MYO1B: variants seen among roughly 807,000 people sequenced by gnomAD.
MYO1B encodes unconventional myosin-Ib.
A neutral mutation model predicts 159.7 loss-of-function variants in MYO1B; 72 were observed. That is an observed-to-expected ratio of 0.45 (90% confidence interval 0.37 to 0.55). The LOEUF (loss-of-function observed/expected upper bound fraction) is 0.55, where lower values mean the gene tolerates loss of function less well. MYO1B is among the 20% of genes least tolerant of loss of function. The probability of loss-of-function intolerance (pLI) is 0.00; values close to 1 mark genes in which losing one functional copy is unlikely to be tolerated. For synonymous variants in MYO1B, 468 were observed against 473.8 expected, an observed-to-expected ratio of 0.99 and a Z score of 0.16; for missense variants, 1,062 against 1,364.8, an observed-to-expected ratio of 0.78 and a Z score of 3.50.
chr2:191,330,164 G>C (rs754952067), intron 4 of MYO1B, 135 bp downstream of exon 4: 9 of 636,674 alleles, frequency 1.4e-5, no homozygotes, highest in Non-Finnish European at 2.2e-5. Flanking sequence ...GAGGATACTG[G>C]TTAGGAACAC....
intron 17 of MYO1B, chr2:191,387,874 C>A: frequency 4.4e-6 from 1 of 227,230 alleles, no homozygotes; most frequent in South Asian, 7.0e-5. Flanking sequence ...CTTTAGTTAA[C>A]TGCTCTGGCA....
chr2:191,394,145 C>T (rs1695926694), intron 20 of MYO1B, among the ~76,000 whole-genome samples: 3 of 152,138 alleles, frequency 2.0e-5, no homozygotes, highest in Non-Finnish European at 2.9e-5. Flanking sequence ...TACAATGGCT[C>T]ATGCTAGTTA....
At chr2:191,365,889 C>T (rs1281710897) in intron 11 of MYO1B, among the ~76,000 whole-genome samples, 1 of 152,162 alleles carries the variant, frequency 6.6e-6, no homozygotes, top group East Asian at 1.9e-4. Context: ...AAATCTGCAC[C>T]AGTAGTTCTT....
intron 13 of MYO1B, among the ~76,000 whole-genome samples, chr2:191,375,470 A>AAGATAGATAGATAGATAGATAGAT (rs149225477): frequency 1.0e-4 from 15 of 146,362 alleles, no homozygotes; most frequent in East Asian, 6.2e-4. Flanking sequence ...TGATTTGTAA[A>AAGATAGATAGATAGATAGATAGAT]AGATAGATAG....
chr2:191,401,090 A>T (rs1167907680), intron 23 of MYO1B, among the ~76,000 whole-genome samples: 4 of 152,102 alleles, frequency 2.6e-5, no homozygotes, highest in Non-Finnish European at 2.9e-5. Flanking sequence ...AAAACAAAAC[A>T]AAACAACTCT....
intron 3 of MYO1B, among the ~76,000 whole-genome samples, chr2:191,307,581 C>T (rs1270479692): frequency 3.9e-5 from 6 of 152,100 alleles, no homozygotes; most frequent in Non-Finnish European, 7.4e-5. Context: ...TGCTCTGGTT[C>T]GAACACCTCC....
chr2:191,364,324 T>C (rs1256811386), intron 11 of MYO1B, 48 bp downstream of exon 11: 5 of 1,407,686 alleles, frequency 3.6e-6, no homozygotes, highest in Admixed American at 3.4e-5. Context: ...AAGTCTGTGC[T>C]AATTTTCATA....
intron 4 of MYO1B, among the ~76,000 whole-genome samples, chr2:191,339,523 A>C (rs1692078428): frequency 6.6e-6 from 1 of 152,208 alleles, no homozygotes; most frequent in African/African-American, 2.4e-5. Flanking sequence ...ACGGTATTGC[A>C]AAGGTGGAAA....
intron 24 of MYO1B, among the ~76,000 whole-genome samples, chr2:191,406,918 A>G (rs1037096705): frequency 2.0e-5 from 3 of 152,240 alleles, no homozygotes; most frequent in Non-Finnish European, 4.4e-5. Context: ...TTAGAGGTAG[A>G]GAATGGGTCT....
At chr2:191,398,600 C>A (rs1452680512) in intron 21 of MYO1B, among the ~76,000 whole-genome samples, 2 of 150,494 alleles carry the variant, frequency 1.3e-5, no homozygotes, top group African/African-American at 4.9e-5. Context: ...GGGTTGCGGC[C>A]CAGCAGAGGC....
chr2:191,298,825 T>C (rs1042467779), intron 3 of MYO1B, among the ~76,000 whole-genome samples: 25 of 152,204 alleles, frequency 1.6e-4, no homozygotes, highest in African/African-American at 5.3e-4. Flanking sequence ...TCAAGTAACT[T>C]ATCCAAAGCC....
At chr2:191,396,396 C>T in intron 20 of MYO1B, 33 bp from the exon 21 acceptor site, 2 of 1,601,108 alleles carry the variant, frequency 1.2e-6, no homozygotes, top group Non-Finnish European at 1.7e-6. Context: ...ATATTAACTA[C>T]AACTGCCAAT....
intron 19 of MYO1B, 92 bp from the exon 20 acceptor site, chr2:191,392,981 C>T (rs1695846169): frequency 7.0e-6 from 8 of 1,136,668 alleles, no homozygotes. Flanking sequence ...TTGACTCCAA[C>T]ATGATGGCAT....
At chr2:191,376,361 T>C (rs564280112) in intron 13 of MYO1B, among the ~76,000 whole-genome samples, 1 of 152,338 alleles carries the variant, frequency 6.6e-6, no homozygotes, top group Non-Finnish European at 1.5e-5. Flanking sequence ...CTGTGATATT[T>C]AAAAATGGAC....
Position 191,400,382 on chromosome 2 carries a change from G to A in MYO1B, c.2296G>A (p.Ala766Thr). The stretch of plus-strand genomic sequence containing the variant: ...TCTTTTGGGTGATTCTGCCCTTTAG[G>A]CTCGAAAAATTCTGCGGGAACTGAA... ...VIQSYIRGWK[A>T]RKILRELKHQ... Residue 766 changes from alanine to threonine, a missense_variant and splice_region_variant, in exon 22 of 31, where the codon GCT (alanine) becomes ACT (threonine). Ala to Thr is a moderately conservative substitution (Grantham distance 58). Around this residue, in one of 5 missense-constraint regions of MYO1B, gnomAD observed 609 missense variants for 744.4 expected, o/e 0.82. Coordinates refer to ENST00000392318, the MANE Select transcript of MYO1B (RefSeq NM_001130158.3). 6.2e-7 allele frequency: 1 copy of A among 1,613,764 alleles called. No individual in the cohort carries two copies. Among genetic ancestry groups the A allele is most frequent in the Non-Finnish European group, 8.5e-7 (1 of 1,179,966 alleles).
intron 27 of MYO1B, 34 bp downstream of exon 27, chr2:191,411,206 G>A (rs1697231496): frequency 1.4e-6 from 2 of 1,383,720 alleles, no homozygotes; most frequent in African/African-American, 1.5e-5. Context: ...TAAAATTCAG[G>A]ATTATAAAAG....
chr2:191,419,508 A>G lies in MYO1B; in HGVS notation c.3287+3266A>G, dbSNP rs536015772. The stretch of plus-strand genomic sequence containing the variant: ...GCTGGGATTATAGGCGTGAGCCACC[A>G]CGCCCGGCCTATACTGTACTTTTTA... On this transcript the variant is annotated intron_variant, in intron 30 of 30. Coordinates refer to ENST00000392318, the MANE Select transcript of MYO1B (RefSeq NM_001130158.3). 1.1e-4 allele frequency among the ~76,000 whole-genome samples: 17 copies of G among 152,236 alleles called. No homozygotes were observed. In the East Asian group the frequency reaches 2.7e-3, roughly 24 times the overall value.
In MYO1B at chr2:191,414,526, C is replaced by T. The variant is rs766711250; in HGVS notation, c.3016C>T (p.Arg1006Trp). The T allele has an allele frequency of 1.0e-5, 16 of 1,606,816 alleles. No homozygotes were observed. The highest frequency in any genetic ancestry group is 3.4e-5 in the Admixed American group (2 of 58,460). The change falls in exon 29 of 31, where the codon CGG (arginine) becomes TGG (tryptophan). Residue 1006 changes from arginine (R) to tryptophan (W), a missense_variant. Arg to Trp is a moderately radical substitution (Grantham distance 101). Around this residue, in one of 5 missense-constraint regions of MYO1B, gnomAD observed 609 missense variants for 744.4 expected, o/e 0.82. Transcript: ENST00000392318. ...INRANGKSTS[R>W]IFLLTNNNLL... Reference sequence around the variant, plus strand: ...TTTTATTTTGATTTAGAGTACATCTCGGATTTTCCTCTTAACAAACAATAA... The same window carrying T: ...TTTTATTTTGATTTAGAGTACATCTTGGATTTTCCTCTTAACAAACAATAA...
chr2:191,363,962 G>T, intron 10 of MYO1B, 87 bp downstream of exon 10: 1 of 1,530,918 alleles, frequency 6.5e-7, no homozygotes, highest in Non-Finnish European at 9.0e-7. Context: ...TAAAATTTTT[G>T]CTTTGCATTG....
Sources: allele counts gnomAD v4.1 joint callset (sites outside exome capture counted in the v4.1 genomes callset), GRCh38; gene constraint gnomAD v4.1.1; regional missense constraint gnomAD v4.1.1; transcripts MANE v1.5; gene names NCBI Gene and HGNC (gene_info 2026-07-23, HGNC 2026-07-21).